FAM174B: variants seen among roughly 807,000 people sequenced by gnomAD.
FAM174B encodes membrane protein FAM174B.
FAM174B carries 12 observed loss-of-function variants against 10.9 expected under a neutral mutation model. That is an observed-to-expected ratio of 1.10 (90% CI 0.71 to 1.79). The LOEUF (loss-of-function observed/expected upper bound fraction) is 1.79. FAM174B is among the 40% of genes most tolerant of loss of function. FAM174B has a pLI of 0.00. For missense variants in FAM174B, 266 were observed against 233.3 expected, an observed-to-expected ratio of 1.14 and a Z score of -0.91; for synonymous variants, 132 against 115.8, an observed-to-expected ratio of 1.14 and a Z score of -0.90.
chr15:92,619,718 T>G lies in FAM174B; in HGVS notation c.477-259A>C, dbSNP rs2050706425. 3 of 554,040 alleles carry G rather than the reference T, an allele frequency of 5.4e-6. No individual in the cohort carries two copies. In the African/African-American group the frequency reaches 5.6e-5, roughly 10 times the overall value. 34.3% of individuals were successfully genotyped at this position (554,040 alleles called of 1,614,324 possible). Reference sequence around the variant, plus strand: ...CCCTAGAACACAACCTCTTTCTCCTTATATCCCTCTCCTTGCCAGCACTTC... The same window carrying G: ...CCCTAGAACACAACCTCTTTCTCCTGATATCCCTCTCCTTGCCAGCACTTC... On this transcript the variant is annotated intron_variant, in intron 2 of 2. Coordinates refer to ENST00000327355, the MANE Select transcript of FAM174B (RefSeq NM_207446.3).
At chr15:92,644,499 C>T (rs12905791) in intron 1 of FAM174B, among the ~76,000 whole-genome samples, 1,573 of 152,258 alleles carry the variant, frequency 0.01, 14 homozygotes, top group Non-Finnish European at 0.014. Context: ...CATCCAGCTC[C>T]GGCAGAACCC....
At chr15:92,629,916 C>T (rs183499830) in intron 2 of FAM174B, among the ~76,000 whole-genome samples, 180 of 152,266 alleles carry the variant, frequency 1.2e-3, no homozygotes, top group Non-Finnish European at 1.2e-3. Flanking sequence ...CCATCATCCA[C>T]GTAAGATGTG....
At chr15:92,644,797 C>T (rs2050915120) in intron 1 of FAM174B, among the ~76,000 whole-genome samples, 1 of 152,238 alleles carries the variant, frequency 6.6e-6, no homozygotes, top group Non-Finnish European at 1.5e-5. Context: ...CAAATAGCGG[C>T]ACCCTGCCCA....
In FAM174B at chr15:92,639,671, G is replaced by C. The variant is rs114176252; in HGVS notation, c.345-9326C>G. 3.4e-3 allele frequency among the ~76,000 whole-genome samples: 511 copies of C among 152,230 alleles called. 3 individuals are homozygous for C. Among genetic ancestry groups the C allele is most frequent in the African/African-American group, 0.011 (462 of 41,528 alleles). On this transcript the variant is annotated intron_variant, in intron 1 of 2. Coordinates refer to ENST00000327355, the MANE Select transcript of FAM174B (RefSeq NM_207446.3). ...GGGGTGGGCCTTCATGAACGGTTTG[G>C]CACCATCCTCTTCGCGCTGTTCTTA... is the stretch of plus-strand genomic sequence containing the variant.
intron 1 of FAM174B, among the ~76,000 whole-genome samples, chr15:92,631,203 C>T (rs1221464457): frequency 2.4e-4 from 2 of 8,218 alleles, no homozygotes; most frequent in African/African-American, 3.9e-4. Flanking sequence ...ATATATATTA[C>T]ATATATTATA....
intron 1 of FAM174B, among the ~76,000 whole-genome samples, chr15:92,652,884 G>A (rs868197257): frequency 2.0e-5 from 3 of 152,162 alleles, no homozygotes; most frequent in Non-Finnish European, 4.4e-5. Context: ...ACAGGGGAGC[G>A]TGGGACAGGG....
intron 1 of FAM174B, among the ~76,000 whole-genome samples, chr15:92,651,449 A>T (rs971008642): frequency 1.3e-5 from 2 of 151,878 alleles, no homozygotes; most frequent in Admixed American, 1.3e-4. Context: ...CGTGAATAAT[A>T]AAAAAATATG....
chr15:92,652,078 C>T (rs1478531282), intron 1 of FAM174B, among the ~76,000 whole-genome samples: 1 of 152,196 alleles, frequency 6.6e-6, no homozygotes, highest in Non-Finnish European at 1.5e-5. Context: ...TGAGAGACAT[C>T]AGCAATGTAA....
Position 92,632,013 on chromosome 15 carries a change from C to CCAAATTGGATAGGAATAGTCTTCCTCA in FAM174B, c.345-1669_345-1668insTGAGGAAGACTATTCCTATCCAATTTG, listed in dbSNP as rs552085507. Among the ~76,000 whole-genome samples, 1,464 of 152,218 alleles carry CCAAATTGGATAGGAATAGTCTTCCTCA rather than the reference C, an allele frequency of 9.6e-3. 13 individuals carry two copies. Among genetic ancestry groups the CCAAATTGGATAGGAATAGTCTTCCTCA allele is most frequent in the African/African-American group, 0.026 (1,082 of 41,500 alleles). On this transcript the variant is annotated intron_variant, in intron 1 of 2. Coordinates refer to ENST00000327355, the MANE Select transcript of FAM174B (RefSeq NM_207446.3). Reference sequence around the variant, plus strand: ...CCCTGAGCTTCCATTCCCTTACAAACCAGGTGAGGGAAAATTGCATGAGAT... The same window carrying CCAAATTGGATAGGAATAGTCTTCCTCA: ...CCCTGAGCTTCCATTCCCTTACAAACCAAATTGGATAGGAATAGTCTTCCTCACAGGTGAGGGAAAATTGCATGAGAT...
chr15:92,655,340 G>A lies in FAM174B; in HGVS notation c.320C>T (p.Ala107Val), dbSNP rs1382724461. 5 of 1,577,928 alleles carry A rather than the reference G, an allele frequency of 3.2e-6. No homozygotes were observed. ...VAFAFTTLLI[A>V]CLLLRVFRSG... ...CCTGAAGACGCGCAGCAGCAGGCAG[G>A]CGATGAGGAGGGTGGTAAAGGCGAA... Residue 107 changes from alanine (A) to valine (V), a missense_variant, in exon 1 of 3, where the codon GCC (alanine) becomes GTC (valine). By Grantham distance (64) the Ala-to-Val change is moderately conservative (BLOSUM62 0). Transcript: ENST00000327355.
intron 2 of FAM174B, 40 bp downstream of exon 2, chr15:92,630,174 G>GC: frequency 6.2e-7 from 1 of 1,606,762 alleles, no homozygotes; most frequent in Non-Finnish European, 8.5e-7. Context: ...CCAACCCACT[G>GC]CCCCAAGCCC....
At chr15:92,647,769 T>C (rs560835908) in intron 1 of FAM174B, among the ~76,000 whole-genome samples, 1 of 152,324 alleles carries the variant, frequency 6.6e-6, no homozygotes, top group Non-Finnish European at 1.5e-5. Flanking sequence ...AAGCCATCTT[T>C]TGTGGGAAAA....
At chr15:92,622,629 C>A (rs1221674404) in intron 2 of FAM174B, among the ~76,000 whole-genome samples, 1 of 152,262 alleles carries the variant, frequency 6.6e-6, no homozygotes, top group Non-Finnish European at 1.5e-5. Context: ...AGGCTCAAAG[C>A]TGCCACTCAC....
chr15:92,626,369 T>A (rs12324188), intron 2 of FAM174B, among the ~76,000 whole-genome samples: 20,723 of 152,198 alleles, frequency 0.14, 1,783 homozygotes, highest in East Asian at 0.22. Flanking sequence ...AAGTGCTGGA[T>A]TATAGGCGCG....
Position 92,654,236 on chromosome 15 carries a change from TG to T in FAM174B, c.344+1079del, listed in dbSNP as rs1214151143. 6.6e-5 allele frequency among the ~76,000 whole-genome samples: 10 copies of T among 152,322 alleles called. No individual in the cohort carries two copies. The East Asian group carries it at 1.9e-3, about 29-fold the overall frequency. ...TGCCTTTTCCTGGTCTGGTTTCTGC[TG>T]TTGCACTGAAAATGCTACCAGGAGA... is the stretch of plus-strand genomic sequence containing the variant. On this transcript the variant is annotated intron_variant, in intron 1 of 2. Coordinates refer to ENST00000327355, the MANE Select transcript of FAM174B (RefSeq NM_207446.3).
At chr15:92,647,900 C>A (rs1567050120) in intron 1 of FAM174B, among the ~76,000 whole-genome samples, 1 of 152,196 alleles carries the variant, frequency 6.6e-6, no homozygotes, top group Non-Finnish European at 1.5e-5. Flanking sequence ...TCTATTCTCT[C>A]TGAAGCCTGC....
intron 2 of FAM174B, among the ~76,000 whole-genome samples, chr15:92,622,556 T>C (rs2050726627): frequency 6.6e-6 from 1 of 152,196 alleles, no homozygotes; most frequent in African/African-American, 2.4e-5. Flanking sequence ...TCTAGCTGTT[T>C]CCCTGTGGCC....
chr15:92,639,007 A>G (rs1567047620), intron 1 of FAM174B, among the ~76,000 whole-genome samples: 1 of 152,188 alleles, frequency 6.6e-6, no homozygotes, highest in African/African-American at 2.4e-5. Flanking sequence ...CCCGCCAGTG[A>G]GGCAAGGAGG....
At chr15:92,649,441 C>T (rs2050950024) in intron 1 of FAM174B, among the ~76,000 whole-genome samples, 1 of 152,160 alleles carries the variant, frequency 6.6e-6, no homozygotes, top group African/African-American at 2.4e-5. Context: ...TGGCTGCATC[C>T]TCATTTATGG....
Sources: gnomAD v4.1 joint callset for allele counts (sites outside exome capture counted in the v4.1 genomes callset) on GRCh38, gnomAD v4.1.1 for gene constraint, MANE v1.5 for transcripts, NCBI Gene and HGNC (gene_info 2026-07-23, HGNC 2026-07-21) for gene names.